The following PTBP3 variants were observed in gnomAD, a reference collection of about 807,000 sequenced individuals.
PTBP3 encodes polypyrimidine tract-binding protein 3.
In PTBP3, 20 loss-of-function variants were observed where a neutral mutation model predicts 58.7. That is an observed-to-expected ratio of 0.34 (90% CI 0.24 to 0.50). PTBP3 has a LOEUF of 0.50. PTBP3 is among the 20% of genes least tolerant of loss of function. The pLI, the probability that PTBP3 is intolerant of heterozygous loss-of-function variation, is 0.98. For missense variants in PTBP3, 509 were observed against 637.2 expected (o/e 0.80, Z 2.17); for synonymous variants, 185 against 219.8 (o/e 0.84, Z 1.40).
At chr9:112,333,829 A>G (rs1830496462), upstream of PTBP3, among the ~76,000 whole-genome samples, 2 of 148,010 alleles carry the variant, frequency 1.4e-5, no homozygotes, top group Admixed American at 1.3e-4. Flanking sequence ...CGGTCGCTGT[A>G]AGACCCCGCC....
At chr9:112,302,418 T>C (rs1383868214) in intron 1 of PTBP3, among the ~76,000 whole-genome samples, 2 of 151,752 alleles carry the variant, frequency 1.3e-5, no homozygotes, top group African/African-American at 2.4e-5. Flanking sequence ...CCAACTCTTT[T>C]CATATTTTTG....
At chr9:112,346,874 C>T in the PTBP3 span, among the ~76,000 whole-genome samples, 7 of 152,144 alleles carry the variant, frequency 4.6e-5, no homozygotes, top group African/African-American at 1.7e-4. Flanking sequence ...CAGGTGCGTG[C>T]CACCACACCC....
rs538878625 is a variant in PTBP3 at position 112,327,192 on chromosome 9, G to C, written c.-52+6278C>G. ...GTACTCCAGCCCGGGCAATGACAGA[G>C]GTAGAGCCTGCCTTCAAAGAAAAAA... On this transcript the variant is annotated intron_variant, in intron 1 of 13. Coordinates refer to ENST00000374257, the MANE Select transcript of PTBP3 (RefSeq NM_001163788.4). Among the ~76,000 whole-genome samples, 8 of 151,698 alleles carry C rather than the reference G, an allele frequency of 5.3e-5. No individual in the cohort carries two copies. In the East Asian group the frequency reaches 1.6e-3, roughly 29 times the overall value.
chr9:112,244,839 T>G (rs1319872218), intron 7 of PTBP3, among the ~76,000 whole-genome samples: 2 of 152,064 alleles, frequency 1.3e-5, no homozygotes, highest in Non-Finnish European at 2.9e-5. Flanking sequence ...CTTTTTTTTT[T>G]GGAACTCAAC....
At chr9:112,285,320 G>A (rs772549703) in intron 2 of PTBP3, among the ~76,000 whole-genome samples, 4 of 152,190 alleles carry the variant, frequency 2.6e-5, no homozygotes, top group Non-Finnish European at 4.4e-5. Flanking sequence ...ATGATTGTAA[G>A]TTTCCTGAGG....
the PTBP3 span, among the ~76,000 whole-genome samples, chr9:112,340,379 T>C: frequency 6.6e-6 from 1 of 152,192 alleles, no homozygotes; most frequent in Non-Finnish European, 1.5e-5. Flanking sequence ...TTCTTTAATG[T>C]CTTGTGTTTG....
the PTBP3 span, among the ~76,000 whole-genome samples, chr9:112,363,516 TCACACACACACACACACACACACA>T: frequency 2.2e-5 from 3 of 134,776 alleles, no homozygotes; most frequent in African/African-American, 2.8e-5. Context: ...AGCAAAACTG[TCACACACACACACACACACACACA>T]CACACACACA....
chr9:112,300,369 G>C (rs965448322), intron 1 of PTBP3, among the ~76,000 whole-genome samples: 1 of 152,230 alleles, frequency 6.6e-6, no homozygotes, highest in African/African-American at 2.4e-5. Flanking sequence ...CAGAATAACT[G>C]AGTAAATGTT....
chr9:112,274,804 C>G (rs1291284478), intron 3 of PTBP3, among the ~76,000 whole-genome samples: 1 of 152,164 alleles, frequency 6.6e-6, no homozygotes, highest in Admixed American at 6.5e-5. Flanking sequence ...GCAGGTAAAT[C>G]CCCAAACAAA....
intron 5 of PTBP3, among the ~76,000 whole-genome samples, chr9:112,259,807 C>T (rs1836515840): frequency 6.6e-6 from 1 of 152,216 alleles, no homozygotes; most frequent in Non-Finnish European, 1.5e-5. Flanking sequence ...ATTCCCCTAC[C>T]ATAATATTCA....
At chr9:112,318,741 C>T (rs150837464) in intron 1 of PTBP3, among the ~76,000 whole-genome samples, 61 of 147,510 alleles carry the variant, frequency 4.1e-4, no homozygotes, top group African/African-American at 1.2e-3. Flanking sequence ...GCCTGGGCAA[C>T]AGAGTGAGAC....
chr9:112,363,014 A>G, the PTBP3 span: 23 of 212,086 alleles, frequency 1.1e-4, no homozygotes, highest in Non-Finnish European at 2.0e-4. Context: ...ATAGCTCACA[A>G]TGTGTCCTCT....
the PTBP3 span, among the ~76,000 whole-genome samples, chr9:112,341,200 C>T: frequency 9.9e-5 from 15 of 152,216 alleles, no homozygotes; most frequent in South Asian, 2.1e-4. Flanking sequence ...GGTGTGAGCT[C>T]GGCCCACTGC....
chr9:112,321,971 TA>T (rs1338058237), intron 1 of PTBP3, among the ~76,000 whole-genome samples: 3 of 151,576 alleles, frequency 2.0e-5, no homozygotes, highest in African/African-American at 2.4e-5. Context: ...CTGTCTCTAC[TA>T]AAAAATACAA....
intron 5 of PTBP3, among the ~76,000 whole-genome samples, chr9:112,254,573 A>G (rs1836269973): frequency 2.0e-5 from 3 of 152,214 alleles, no homozygotes; most frequent in African/African-American, 7.2e-5. Flanking sequence ...AAAGGACTTC[A>G]ATCGACATTT....
At chr9:112,287,433 G>C (rs1828185656) in intron 2 of PTBP3, among the ~76,000 whole-genome samples, 2 of 143,532 alleles carry the variant, frequency 1.4e-5, no homozygotes, top group African/African-American at 5.1e-5. Flanking sequence ...TCCGCCCCCG[G>C]GGGTTCAAGC....
chr9:112,255,516 TTGTC>T (rs1836311292), intron 5 of PTBP3, among the ~76,000 whole-genome samples: 1 of 152,260 alleles, frequency 6.6e-6, no homozygotes, highest in South Asian at 2.1e-4. Flanking sequence ...ATATAACAAA[TTGTC>T]TGACCTCCCT....
intron 1 of PTBP3, among the ~76,000 whole-genome samples, chr9:112,307,794 A>G (rs1002160664): frequency 1.3e-5 from 2 of 152,256 alleles, no homozygotes; most frequent in African/African-American, 4.8e-5. Flanking sequence ...AAAACATTGT[A>G]AAAGATGAGG....
chr9:112,280,970 GATTT>G (rs1224626187), intron 2 of PTBP3: 2 of 151,942 alleles, frequency 1.3e-5, no homozygotes, highest in Non-Finnish European at 2.9e-5. Context: ...TTTCAATGAC[GATTT>G]ATTTCAGTCT....
Sources: allele counts gnomAD v4.1 joint callset (sites outside exome capture counted in the v4.1 genomes callset), GRCh38; gene constraint gnomAD v4.1.1; transcripts MANE v1.5; gene names NCBI Gene and HGNC (gene_info 2026-07-23, HGNC 2026-07-21).